Variants in NLRP8 observed in about 807,000 individuals in gnomAD.
NLRP8 encodes NLR family pyrin domain containing 8, also known as NACHT, LRR and PYD domains-containing protein 8.
A neutral mutation model predicts 88.7 loss-of-function variants in NLRP8; 86 were observed. That is an observed-to-expected ratio of 0.97 (90% CI 0.81 to 1.16). NLRP8 has a LOEUF of 1.16. Ranked by LOEUF, NLRP8 falls within the 50% of genes most tolerant of loss-of-function variation. NLRP8 has a pLI of 0.00. For synonymous variants in NLRP8, 504 were observed against 494.6 expected, an observed-to-expected ratio of 1.02 and a Z score of -0.25; for missense variants, 1,342 against 1,286.5, an observed-to-expected ratio of 1.04 and a Z score of -0.66.
chr19:55,954,447 C>A lies in NLRP8; in HGVS notation c.443-54C>A. 4 of 1,544,570 alleles carry A rather than the reference C, an allele frequency of 2.6e-6. No individual in the cohort carries two copies. In the South Asian group the frequency reaches 4.9e-5, roughly 19 times the overall value. On this transcript the variant is annotated intron_variant, in intron 2 of 9. Transcript: ENST00000291971. ...TGGTTTTCTTATTGCTCTATTAGTT[C>A]TTGCAATTCACTCTGATGTCATACC...
chr19:55,977,076 T>C (rs1980374542), intron 8 of NLRP8, among the ~76,000 whole-genome samples: 1 of 139,936 alleles, frequency 7.1e-6, no homozygotes. Context: ...TGAGACTCTG[T>C]CTCAAAAAAA....
chr19:55,954,997 T>C lies in NLRP8; in HGVS notation c.939T>C (p.Ser313=). 1 of 1,614,204 alleles carries C rather than the reference T, an allele frequency of 6.2e-7. No homozygotes were observed. Among genetic ancestry groups the C allele is most frequent in the African/African-American group, 1.3e-5 (1 of 75,050 alleles). ...ACTGGAGGCAGAAATTGCCTGGGTC[T>C]GTCCTACTGAGCAGTTTGCTGAGCA... Residue 313 remains serine, a synonymous_variant, in exon 3 of 10, where the codon TCT becomes TCC. Coordinates refer to ENST00000291971, the MANE Select transcript of NLRP8 (RefSeq NM_176811.2).
intron 5 of NLRP8, among the ~76,000 whole-genome samples, chr19:55,967,632 A>G (rs1979903120): frequency 6.6e-6 from 1 of 152,072 alleles, no homozygotes. Context: ...AATCTTAGCT[A>G]TTGAGAGCAG....
chr19:55,956,994 T>C (rs1979385304), intron 3 of NLRP8, among the ~76,000 whole-genome samples: 1 of 152,096 alleles, frequency 6.6e-6, no homozygotes, highest in Admixed American at 6.6e-5. Flanking sequence ...GGTTTCCCTG[T>C]GTTACCCAGG....
intron 8 of NLRP8, 130 bp from the exon 9 acceptor site, chr19:55,979,264 G>A: frequency 3.0e-6 from 3 of 987,152 alleles, no homozygotes; most frequent in Non-Finnish European, 4.6e-6. Flanking sequence ...TAGGTGAATA[G>A]ACCATAGTTG....
intron 3 of NLRP8, among the ~76,000 whole-genome samples, chr19:55,961,298 A>C (rs1165517111): frequency 1.3e-5 from 2 of 152,176 alleles, no homozygotes; most frequent in East Asian, 3.8e-4. Context: ...AATGAAAGAG[A>C]AAGTCAGCAG....
Position 55,955,351 on chromosome 19 carries a change from T to G in NLRP8, c.1293T>G (p.Ile431Met), listed in dbSNP as rs1979295734. ...CCACCTCTGTGTTCGTCCGGTATATTTCTAGCTTGTTTCCCACCAGAGCTG... is the reference window on the plus strand; with the variant it reads ...CCACCTCTGTGTTCGTCCGGTATATGTCTAGCTTGTTTCCCACCAGAGCTG... Residue 431 changes from isoleucine to methionine, a missense_variant, in exon 3 of 10, where the codon ATT (isoleucine) becomes ATG (methionine). Transcript: ENST00000291971. 1.2e-6 allele frequency: 2 copies of G among 1,614,180 alleles called. No homozygotes were observed. The highest frequency in any genetic ancestry group is 4.5e-5 in the East Asian group (2 of 44,886).
chr19:55,966,121 C>A, intron 4 of NLRP8, 92 bp from the exon 5 acceptor site: 5 of 1,160,348 alleles, frequency 4.3e-6, no homozygotes, highest in Non-Finnish European at 6.3e-6. Context: ...ACCTGTCCCA[C>A]GTGCAGCTTC....
rs771329389 is a variant in NLRP8, at chr19:55,955,195, C to A, written c.1137C>A (p.Val379=). Residue 379 remains valine, a synonymous_variant, in exon 3 of 10, where the codon GTC becomes GTA. Transcript: ENST00000291971. ...GACACACAGAGGAGGGAGACCAAGTCTTGAGTTTCGCCATGGAAAACACCA... is the reference window on the plus strand; with the variant it reads ...GACACACAGAGGAGGGAGACCAAGTATTGAGTTTCGCCATGGAAAACACCA... 1 of 1,614,026 alleles carries A rather than the reference C, an allele frequency of 6.2e-7. No individual in the cohort carries two copies. Among genetic ancestry groups the A allele is most frequent in the Non-Finnish European group, 8.5e-7 (1 of 1,180,008 alleles).
At chr19:55,985,108 C>T (rs936323707) in intron 9 of NLRP8, among the ~76,000 whole-genome samples, 1 of 152,076 alleles carries the variant, frequency 6.6e-6, no homozygotes, top group African/African-American at 2.4e-5. Flanking sequence ...TCGAGACCAG[C>T]CTGACCAATA....
At position 55,988,454 on chromosome 19, in the gene NLRP8, A is replaced by ATATATATG; in HGVS notation, c.*548_*549insGTATATAT. 7.8e-6 allele frequency: 1 copy of ATATATATG among 127,558 alleles called. No individual in the cohort carries two copies. Among genetic ancestry groups the ATATATATG allele is most frequent in the East Asian group, 2.0e-4 (1 of 5,056 alleles). 7.9% of individuals were successfully genotyped at this position (127,558 alleles called of 1,614,324 possible). The stretch of plus-strand genomic sequence containing the variant: ...TATATATGTGTGTGTGTATATATAT[A>ATATATATG]TATATATATATATATGCTATATAAA... On this transcript the variant is annotated 3_prime_UTR_variant, in exon 10 of 10. Coordinates refer to ENST00000291971, the MANE Select transcript of NLRP8 (RefSeq NM_176811.2).
At position 55,947,941 on chromosome 19, in the gene NLRP8, C is replaced by A; in HGVS notation, c.39C>A (p.Pro13=). ...ATCCACCCTCTGACACCCCCATTCCCTTTTCATCCTCCTCCACTCACAGTT... is the reference window on the plus strand; with the variant it reads ...ATCCACCCTCTGACACCCCCATTCCATTTTCATCCTCCTCCACTCACAGTT... The change falls in exon 1 of 10, where the codon CCC becomes CCA. Residue 13 remains proline, a synonymous_variant. Coordinates refer to ENST00000291971, the MANE Select transcript of NLRP8 (RefSeq NM_176811.2). The A allele has an allele frequency of 6.2e-7, 1 of 1,613,992 alleles. No homozygotes were observed. Among genetic ancestry groups the A allele is most frequent in the Non-Finnish European group, 8.5e-7 (1 of 1,179,916 alleles).
At position 55,956,063 on chromosome 19, in the gene NLRP8, G is replaced by T; in HGVS notation, c.2005G>T (p.Val669Leu). 6.2e-7 allele frequency: 1 copy of T among 1,613,870 alleles called. No homozygotes were observed. The highest frequency in any genetic ancestry group is 8.5e-7 in the Non-Finnish European group (1 of 1,179,840). The change falls in exon 3 of 10, where the codon GTG becomes TTG. Residue 669 changes from valine to leucine, a missense_variant. Coordinates refer to ENST00000291971, the MANE Select transcript of NLRP8 (RefSeq NM_176811.2). ...GACCGTCACCCTGAACTTCATGAAC[G>T]TGTGGAAGCTCAGCTCCAGCTCCCA...
At chr19:55,979,307 T>C in intron 8 of NLRP8, 87 bp from the exon 9 acceptor site, 1 of 1,411,424 alleles carries the variant, frequency 7.1e-7, no homozygotes, top group Non-Finnish European at 9.9e-7. Context: ...CAGTGTGATT[T>C]CTTGGCTGTA....
chr19:55,956,831 C>A (rs1477218209), intron 3 of NLRP8, among the ~76,000 whole-genome samples: 2 of 152,096 alleles, frequency 1.3e-5, no homozygotes, highest in Non-Finnish European at 2.9e-5. Flanking sequence ...GGGTCTCTTT[C>A]TGTCACCCAG....
intron 9 of NLRP8, among the ~76,000 whole-genome samples, 58 bp from the exon 10 acceptor site, chr19:55,981,000 TG>T (rs1302063404): frequency 6.6e-6 from 1 of 152,148 alleles, no homozygotes. Flanking sequence ...CTCTTTGTTT[TG>T]GGGCTGCAAA....
chr19:55,966,709 G>C (rs1219299868), intron 5 of NLRP8, among the ~76,000 whole-genome samples: 1 of 152,022 alleles, frequency 6.6e-6, no homozygotes, highest in Non-Finnish European at 1.5e-5. Context: ...TCAGCTACTC[G>C]GGAGGCTGAG....
At chr19:55,957,473 G>A (rs1288366246) in intron 3 of NLRP8, among the ~76,000 whole-genome samples, 1 of 151,416 alleles carries the variant, frequency 6.6e-6, no homozygotes, top group Non-Finnish European at 1.5e-5. Context: ...ATCACTTGAG[G>A]CCAGGAGTTC....
rs374619959 is a variant in NLRP8, at chr19:55,948,173, C to T, written c.271C>T (p.Arg91Cys). 2.9e-5 allele frequency: 46 copies of T among 1,614,026 alleles called. No individual in the cohort carries two copies. The Middle Eastern group carries it at 4.9e-4, about 17-fold the overall frequency. ...AGAGGTGGTTCATCTCTTGATAGAG[C>T]GTTTCCCTGGACGACGCGCTTGGGA... The change falls in exon 1 of 10, where the codon CGT becomes TGT. Residue 91 changes from arginine (R) to cysteine (C), a missense_variant. Arg to Cys is a radical substitution (Grantham distance 180). Transcript: ENST00000291971.
Sources: allele counts gnomAD v4.1 joint callset (sites outside exome capture counted in the v4.1 genomes callset), GRCh38; gene constraint gnomAD v4.1.1; transcripts MANE v1.5; gene names NCBI Gene and HGNC (gene_info 2026-07-23, HGNC 2026-07-21).